Variants in RBFOX1 observed in about 807,000 individuals in gnomAD.
RBFOX1 encodes RNA binding protein fox-1 homolog 1.
Under a neutral mutation model 57.7 loss-of-function variants are expected in RBFOX1, and 8 were observed. The observed-to-expected ratio is 0.14, with a 90% confidence interval of 0.08 to 0.25. RBFOX1 has a LOEUF of 0.25. Ranked by LOEUF, RBFOX1 falls within the 10% of genes least tolerant of loss-of-function variation. The probability of loss-of-function intolerance (pLI) is 1.00; values close to 1 mark genes in which losing one functional copy is unlikely to be tolerated. For missense variants in RBFOX1, 611 were observed against 548.5 expected, an observed-to-expected ratio of 1.11 and a Z score of -1.14; for synonymous variants, 326 against 222.4, an observed-to-expected ratio of 1.47 and a Z score of -4.15.
intron 1 of RBFOX1, among the ~76,000 whole-genome samples, chr16:6,091,138 A>T (rs887216314): frequency 3.9e-5 from 6 of 152,200 alleles, no homozygotes; most frequent in African/African-American, 1.4e-4. Flanking sequence ...GTGCTGTGGA[A>T]CATTAAAACT....
intron 3 of RBFOX1, among the ~76,000 whole-genome samples, chr16:6,712,421 A>G (rs1042835919): frequency 5.3e-5 from 8 of 151,928 alleles, no homozygotes; most frequent in Admixed American, 2.0e-4. Flanking sequence ...CAGTAATAGG[A>G]TTTTCAGAGT....
At chr16:6,115,086 T>C (rs1567490229) in intron 1 of RBFOX1, among the ~76,000 whole-genome samples, 1 of 151,464 alleles carries the variant, frequency 6.6e-6, no homozygotes, top group Non-Finnish European at 1.5e-5. Flanking sequence ...CCATGGCATT[T>C]GTAAACTATC....
chr16:5,908,280 A>G (rs2058523424), intron 4 of RBFOX1, among the ~76,000 whole-genome samples: 2 of 131,044 alleles, frequency 1.5e-5, no homozygotes, highest in South Asian at 5.6e-4. Context: ...ATATACATAC[A>G]TATATATACA....
At chr16:5,758,919 G>A (rs76359705) in intron 3 of RBFOX1, among the ~76,000 whole-genome samples, 2,439 of 152,144 alleles carry the variant, frequency 0.016, 59 homozygotes, top group African/African-American at 0.055. Context: ...TACCTCTTGT[G>A]TATATGCGAA....
At chr16:6,893,634 C>T (rs867301337) in intron 3 of RBFOX1, among the ~76,000 whole-genome samples, 1 of 152,260 alleles carries the variant, frequency 6.6e-6, no homozygotes, top group East Asian at 1.9e-4. Context: ...AACAAAAGCC[C>T]TGTTCCTCCA....
chr16:6,114,556 A>C (rs1032959139), intron 1 of RBFOX1, among the ~76,000 whole-genome samples: 2 of 131,298 alleles, frequency 1.5e-5, no homozygotes, highest in Non-Finnish European at 3.0e-5. Flanking sequence ...TCAATGGCAT[A>C]AAAGTTTTCT....
intron 2 of RBFOX1, among the ~76,000 whole-genome samples, chr16:5,566,543 T>A (rs565577816): frequency 6.6e-6 from 1 of 152,028 alleles, no homozygotes; most frequent in East Asian, 1.9e-4. Context: ...ACTTGCTCCA[T>A]CTCCCAGAGA....
intron 5 of RBFOX1, among the ~76,000 whole-genome samples, chr16:7,575,341 G>C (rs1252139275): frequency 2.6e-5 from 4 of 152,042 alleles, no homozygotes; most frequent in Non-Finnish European, 5.9e-5. Flanking sequence ...CACCATGTTG[G>C]TCAGGCTGGT....
At chr16:7,018,865 T>C (rs969357352) in intron 3 of RBFOX1, among the ~76,000 whole-genome samples, 3 of 151,950 alleles carry the variant, frequency 2.0e-5, no homozygotes, top group Admixed American at 6.6e-5. Context: ...ACGACTGTAA[T>C]CTCAGCACAT....
At chr16:6,747,143 C>G (rs1329639042) in intron 3 of RBFOX1, among the ~76,000 whole-genome samples, 1 of 152,190 alleles carries the variant, frequency 6.6e-6, no homozygotes, top group Non-Finnish European at 1.5e-5. Context: ...GGCGCAGTGG[C>G]TCACGCCTAT....
intron 2 of RBFOX1, among the ~76,000 whole-genome samples, chr16:5,590,606 C>T (rs887307915): frequency 3.3e-5 from 5 of 152,146 alleles, no homozygotes; most frequent in Admixed American, 1.3e-4. Context: ...AGCGGACTGT[C>T]TGCCAAAGAT....
chr16:6,788,940 C>G (rs1267037314), intron 3 of RBFOX1, among the ~76,000 whole-genome samples: 1 of 152,118 alleles, frequency 6.6e-6, no homozygotes, highest in African/African-American at 2.4e-5. Context: ...CGAGTTCCTC[C>G]TAGCATTCTC....
chr16:7,688,258 T>TGAGAGAGAGAGAGAGA (rs1468088533), intron 14 of RBFOX1, among the ~76,000 whole-genome samples: 1 of 128,326 alleles, frequency 7.8e-6, no homozygotes, highest in African/African-American at 3.0e-5. Context: ...TGTGTGTGTG[T>TGAGAGAGAGAGAGAGA]GTGAGAGAGA....
At chr16:7,272,811 TTCTTTTAAAA>T (rs2095351528) in intron 4 of RBFOX1, among the ~76,000 whole-genome samples, 1 of 152,078 alleles carries the variant, frequency 6.6e-6, no homozygotes, top group Non-Finnish European at 1.5e-5. Context: ...GACTCTTGTT[TTCTTTTAAAA>T]TCCTCTCCTC....
intron 3 of RBFOX1, among the ~76,000 whole-genome samples, chr16:6,910,502 A>C (rs892380947): frequency 2.0e-5 from 3 of 152,218 alleles, no homozygotes; most frequent in African/African-American, 7.2e-5. Context: ...TTAATCACTC[A>C]AACAACCTAC....
chr16:6,114,979 T>C (rs2096483735), intron 1 of RBFOX1, among the ~76,000 whole-genome samples: 1 of 152,164 alleles, frequency 6.6e-6, no homozygotes, highest in South Asian at 2.1e-4. Context: ...GACAAGTTAA[T>C]GCAAACTGAG....
intron 2 of RBFOX1, among the ~76,000 whole-genome samples, chr16:6,459,358 A>G (rs1419571882): frequency 9.9e-5 from 15 of 152,000 alleles, no homozygotes. Flanking sequence ...CAGGATACTC[A>G]CTCGGCTTAC....
At chr16:6,094,952 C>A (rs189959955) in intron 1 of RBFOX1, among the ~76,000 whole-genome samples, 2 of 152,056 alleles carry the variant, frequency 1.3e-5, no homozygotes, top group Non-Finnish European at 2.9e-5. Context: ...CCCAGCTACT[C>A]GAGAGGCTGA....
At chr16:6,762,515 C>A (rs2076753130) in intron 3 of RBFOX1, among the ~76,000 whole-genome samples, 1 of 152,098 alleles carries the variant, frequency 6.6e-6, no homozygotes, top group South Asian at 2.1e-4. Flanking sequence ...AGTGTTACCC[C>A]TTTACAAGGT....
Sources: allele counts gnomAD v4.1 joint callset (sites outside exome capture counted in the v4.1 genomes callset), GRCh38; gene constraint gnomAD v4.1.1; transcripts MANE v1.5; gene names NCBI Gene and HGNC (gene_info 2026-07-23, HGNC 2026-07-21).